The following VPS8 variants were observed in gnomAD, a reference collection of about 807,000 sequenced individuals.
VPS8 encodes the protein VPS8 subunit of CORVET complex, also known as vacuolar protein sorting-associated protein 8 homolog.
A neutral mutation model predicts 216.4 loss-of-function variants in VPS8; 129 were observed. That is an observed-to-expected ratio of 0.60 (90% CI 0.52 to 0.69). The LOEUF (loss-of-function observed/expected upper bound fraction) is 0.69. Among genes scored for constraint, VPS8 ranks in the 30% least tolerant of loss-of-function variants. The pLI, the probability that VPS8 is intolerant of heterozygous loss-of-function variation, is 0.00. For missense variants in VPS8, 1,531 were observed against 1,683.5 expected, an observed-to-expected ratio of 0.91 and a Z score of 1.59; for synonymous variants, 571 against 565.4, an observed-to-expected ratio of 1.01 and a Z score of -0.14.
chr3:184,858,021 G>A (rs1465896618), intron 14 of VPS8, among the ~76,000 whole-genome samples: 1 of 152,190 alleles, frequency 6.6e-6, no homozygotes, highest in Non-Finnish European at 1.5e-5. Context: ...GGTCACCACT[G>A]TAAGTGATGG....
intron 42 of VPS8, among the ~76,000 whole-genome samples, chr3:184,992,628 C>A (rs114518635): frequency 0.011 from 1,634 of 152,158 alleles, 30 homozygotes; most frequent in African/African-American, 0.037. Flanking sequence ...GCATATGCTA[C>A]TCACTTAAAG....
At chr3:184,953,875 C>A (rs563941587) in intron 36 of VPS8, among the ~76,000 whole-genome samples, 1 of 152,206 alleles carries the variant, frequency 6.6e-6, no homozygotes, top group South Asian at 2.1e-4. Flanking sequence ...GGCCCCTGCT[C>A]CATCTCAGTT....
At chr3:185,026,263 TA>T (rs1757333290) in intron 46 of VPS8, among the ~76,000 whole-genome samples, 1 of 152,112 alleles carries the variant, frequency 6.6e-6, no homozygotes, top group Non-Finnish European at 1.5e-5. Context: ...ATAAGTAATC[TA>T]AAGATGATTT....
chr3:184,987,576 T>C (rs1167191317), intron 42 of VPS8, among the ~76,000 whole-genome samples: 2 of 152,212 alleles, frequency 1.3e-5, no homozygotes, highest in Non-Finnish European at 2.9e-5. Context: ...CATTTCTTTT[T>C]ATCTCTGTAT....
chr3:184,894,295 A>G (rs1249020947), intron 22 of VPS8, among the ~76,000 whole-genome samples: 1 of 152,064 alleles, frequency 6.6e-6, no homozygotes, highest in Admixed American at 6.6e-5. Context: ...TGTCCACCCA[A>G]TTATCTGTTC....
At chr3:185,015,711 G>A (rs1193036188) in intron 45 of VPS8, among the ~76,000 whole-genome samples, 7 of 152,154 alleles carry the variant, frequency 4.6e-5, no homozygotes, top group Non-Finnish European at 8.8e-5. Context: ...CAGCTAAATG[G>A]GTTTGCCAAG....
chr3:184,819,479 T>C (rs1717077344), intron 1 of VPS8, among the ~76,000 whole-genome samples: 1 of 152,228 alleles, frequency 6.6e-6, no homozygotes, highest in Admixed American at 6.5e-5. Flanking sequence ...ATTATCAACC[T>C]TTTACTGGGA....
chr3:184,894,476 T>C (rs1391362965), intron 22 of VPS8, among the ~76,000 whole-genome samples: 2 of 142,668 alleles, frequency 1.4e-5, no homozygotes, highest in Non-Finnish European at 3.1e-5. Flanking sequence ...GGAGGATTAA[T>C]TGAGATTTTA....
At chr3:184,883,344 A>G (rs997131042) in intron 21 of VPS8, among the ~76,000 whole-genome samples, 2 of 152,210 alleles carry the variant, frequency 1.3e-5, no homozygotes, top group African/African-American at 2.4e-5. Flanking sequence ...TCAGATTACT[A>G]TACTCAATTT....
chr3:184,870,282 G>T (rs1728096942), intron 20 of VPS8, among the ~76,000 whole-genome samples: 1 of 152,020 alleles, frequency 6.6e-6, no homozygotes, highest in Admixed American at 6.6e-5. Flanking sequence ...TTGACTATAG[G>T]ATTCCCTCCC....
chr3:184,838,967 G>C (rs1260295417), intron 6 of VPS8: 2 of 454,712 alleles, frequency 4.4e-6, no homozygotes, highest in African/African-American at 2.1e-5. Context: ...GCAGATAATG[G>C]AGTAATATTA....
chr3:185,000,608 G>GT (rs1753274083), intron 45 of VPS8, among the ~76,000 whole-genome samples: 2 of 90,394 alleles, frequency 2.2e-5, no homozygotes. Flanking sequence ...TTCTCTTTTC[G>GT]TTTCTTTTTT....
chr3:184,820,231 A>G (rs1291215160), intron 1 of VPS8, among the ~76,000 whole-genome samples: 2 of 152,192 alleles, frequency 1.3e-5, no homozygotes, highest in Non-Finnish European at 2.9e-5. Flanking sequence ...TTAAGAGATC[A>G]AGACGACTTC....
rs1740175908 is a variant in VPS8, at chr3:184,928,913, C to A, written c.2714+380C>A. Among the ~76,000 whole-genome samples the A allele has an allele frequency of 2.0e-5, 3 of 152,180 alleles. No individual in the cohort carries two copies. In the South Asian group the frequency reaches 6.2e-4, roughly 32 times the overall value. On this transcript the variant is annotated intron_variant, in intron 32 of 47. Transcript: ENST00000625842. ...ATAAGATGATATGATCACATTGCTA[C>A]TTACCTAGTATGCTGTATTTATATG...
chr3:184,824,779 T>C lies in VPS8; in HGVS notation c.147T>C (p.Asn49=). ...IDMDKELEFK[N]DLIDDKEFDI... is the part of the protein sequence containing the mutation. ...TGGACAAGGAACTGGAGTTCAAAAATGATCTGGTAAAAATTTCAATTTCTG... is the reference window on the plus strand; with the variant it reads ...TGGACAAGGAACTGGAGTTCAAAAACGATCTGGTAAAAATTTCAATTTCTG... Residue 49 remains asparagine (N), a synonymous_variant, in exon 2 of 48, where the codon AAT becomes AAC. Coordinates refer to ENST00000625842, the MANE Select transcript of VPS8 (RefSeq NM_001009921.3). 3.1e-6 allele frequency: 5 copies of C among 1,607,494 alleles called. No homozygotes were observed. Among genetic ancestry groups the C allele is most frequent in the Non-Finnish European group, 4.2e-6 (5 of 1,176,506 alleles).
chr3:185,023,980 GTAGA>G (rs1757010869), intron 45 of VPS8, among the ~76,000 whole-genome samples: 2 of 152,344 alleles, frequency 1.3e-5, no homozygotes, highest in East Asian at 3.9e-4. Context: ...TTACATCACA[GTAGA>G]GATTTTGAGT....
At chr3:184,861,627 C>T (rs1444068608) in intron 15 of VPS8, among the ~76,000 whole-genome samples, 1 of 152,146 alleles carries the variant, frequency 6.6e-6, no homozygotes, top group Admixed American at 6.5e-5. Flanking sequence ...GTTTGAGATA[C>T]AGTACTTTAA....
intron 37 of VPS8, among the ~76,000 whole-genome samples, chr3:184,961,442 C>A (rs907568500): frequency 6.6e-6 from 1 of 152,108 alleles, no homozygotes; most frequent in African/African-American, 2.4e-5. Context: ...TATGTATATA[C>A]CCACCAACCA....
intron 34 of VPS8, among the ~76,000 whole-genome samples, chr3:184,931,893 G>A (rs78005231): frequency 0.032 from 4,800 of 152,094 alleles, 268 homozygotes; most frequent in African/African-American, 0.11. Flanking sequence ...AGTGGTTTGA[G>A]CACATGGATT....
Sources: gnomAD v4.1 joint callset for allele counts (sites outside exome capture counted in the v4.1 genomes callset) on GRCh38, gnomAD v4.1.1 for gene constraint, MANE v1.5 for transcripts, NCBI Gene and HGNC (gene_info 2026-07-23, HGNC 2026-07-21) for gene names.